The following UVRAG variants were observed in gnomAD, a reference collection of about 807,000 sequenced individuals.
UVRAG encodes UV radiation resistance associated.
Under a neutral mutation model 78.0 loss-of-function variants are expected in UVRAG, and 19 were observed. The observed-to-expected ratio is 0.24, with a 90% CI of 0.17 to 0.36. The LOEUF (loss-of-function observed/expected upper bound fraction) is 0.36. Among genes scored for constraint, UVRAG ranks in the 10% least tolerant of loss-of-function variants. The probability of loss-of-function intolerance (pLI) is 1.00; values close to 1 mark genes in which losing one functional copy is unlikely to be tolerated. For missense variants in UVRAG, 740 were observed against 853.8 expected (o/e 0.87, Z 1.66); for synonymous variants, 323 against 324.6 (o/e 1.00, Z 0.05).
intron 3 of UVRAG, 136 bp downstream of exon 3, chr11:75,861,916 C>A: frequency 1.4e-6 from 1 of 712,200 alleles, no homozygotes; most frequent in Non-Finnish European, 2.3e-6. Flanking sequence ...GTTAAATCAT[C>A]ATTGTTTTGT....
At chr11:76,117,418 A>T (rs993162548) in intron 14 of UVRAG, among the ~76,000 whole-genome samples, 4 of 152,160 alleles carry the variant, frequency 2.6e-5, no homozygotes, top group Non-Finnish European at 5.9e-5. Context: ...ATCCATAGAG[A>T]TCCATTTCCA....
intron 6 of UVRAG, among the ~76,000 whole-genome samples, chr11:75,951,348 TG>T (rs1371378982): frequency 4.7e-4 from 70 of 149,936 alleles, no homozygotes; most frequent in African/African-American, 1.6e-3. Flanking sequence ...TGTGTGTGTG[TG>T]TGTGTGTGTG....
chr11:76,032,758 C>A (rs1950458778), intron 12 of UVRAG, among the ~76,000 whole-genome samples: 1 of 152,114 alleles, frequency 6.6e-6, no homozygotes, highest in Non-Finnish European at 1.5e-5. Flanking sequence ...TCCAAGTGAC[C>A]CAGATGTAAT....
At chr11:75,948,321 A>T (rs185319335) in intron 6 of UVRAG, among the ~76,000 whole-genome samples, 16 of 152,286 alleles carry the variant, frequency 1.1e-4, no homozygotes, top group African/African-American at 3.6e-4. Context: ...AAATGGATTG[A>T]AAAGGGCAGA....
At chr11:75,824,562 G>T (rs1457696891) in intron 1 of UVRAG, among the ~76,000 whole-genome samples, 1 of 150,530 alleles carries the variant, frequency 6.6e-6, no homozygotes, top group Non-Finnish European at 1.5e-5. Flanking sequence ...ACGTATGGTA[G>T]AATGAAAAAA....
Position 75,925,599 on chromosome 11 carries a change from G to A in UVRAG, c.593+13560G>A, listed in dbSNP as rs146591642. ...ACAGCAAACAAAGGGTCTTTCATTC[G>A]TTGAGAAACTAATAATAATTTCTAA... is the stretch of plus-strand genomic sequence containing the variant. On this transcript the variant is annotated intron_variant, in intron 6 of 14. Transcript: ENST00000356136. Among the ~76,000 whole-genome samples the A allele has an allele frequency of 3.5e-3, 533 of 152,250 alleles. 8 individuals are homozygous for A. The highest frequency in any genetic ancestry group is 0.012 in the African/African-American group (516 of 41,540).
At chr11:76,006,434 C>A (rs557499322) in intron 9 of UVRAG, among the ~76,000 whole-genome samples, 12 of 152,006 alleles carry the variant, frequency 7.9e-5, no homozygotes, top group African/African-American at 2.7e-4. Context: ...CTGAAACAGG[C>A]AGATAGCTTG....
chr11:76,136,800 T>C (rs916251749), intron 14 of UVRAG, among the ~76,000 whole-genome samples: 1 of 152,104 alleles, frequency 6.6e-6, no homozygotes, highest in Non-Finnish European at 1.5e-5. Flanking sequence ...ACCTGGCCCA[T>C]AGGGTTTCTT....
At chr11:76,122,244 A>C (rs996202439) in intron 14 of UVRAG, among the ~76,000 whole-genome samples, 1 of 152,194 alleles carries the variant, frequency 6.6e-6, no homozygotes. Flanking sequence ...CTAAGGAGAT[A>C]ACATTTCAGT....
intron 4 of UVRAG, 95 bp downstream of exon 4, chr11:75,880,135 A>T: frequency 2.1e-6 from 3 of 1,435,536 alleles, no homozygotes; most frequent in Non-Finnish European, 2.9e-6. Flanking sequence ...TTCCTATTAT[A>T]AAGAGAGACT....
At chr11:75,880,657 C>A (rs1395628802) in intron 4 of UVRAG, among the ~76,000 whole-genome samples, 1 of 152,118 alleles carries the variant, frequency 6.6e-6, no homozygotes, top group Admixed American at 6.5e-5. Flanking sequence ...CAAGTTCAAG[C>A]GATTCTCCTG....
At chr11:76,082,539 C>CAAAAA (rs5792708) in intron 13 of UVRAG, among the ~76,000 whole-genome samples, 4 of 101,640 alleles carry the variant, frequency 3.9e-5, no homozygotes, top group South Asian at 3.6e-4. Flanking sequence ...GACTCCGTCC[C>CAAAAA]AAAAAAAAAA....
At chr11:75,834,970 G>A (rs187435619) in intron 1 of UVRAG, among the ~76,000 whole-genome samples, 465 of 152,128 alleles carry the variant, frequency 3.1e-3, no homozygotes, top group Non-Finnish European at 4.9e-3. Context: ...CACCATGCCC[G>A]ACCTCATTTG....
At chr11:75,873,669 T>G (rs1338151982) in intron 3 of UVRAG, among the ~76,000 whole-genome samples, 2 of 152,200 alleles carry the variant, frequency 1.3e-5, no homozygotes, top group East Asian at 3.8e-4. Flanking sequence ...ATTCCTAGCA[T>G]ATGTAAGCTA....
chr11:76,091,366 G>T (rs147009697), intron 13 of UVRAG, among the ~76,000 whole-genome samples: 1 of 152,096 alleles, frequency 6.6e-6, no homozygotes, highest in Non-Finnish European at 1.5e-5. Flanking sequence ...GTTTTTATCT[G>T]TTGTGCTCGG....
At chr11:75,882,818 A>G (rs1946981664) in intron 4 of UVRAG, among the ~76,000 whole-genome samples, 1 of 152,186 alleles carries the variant, frequency 6.6e-6, no homozygotes, top group East Asian at 1.9e-4. Context: ...TTTGTGTCCT[A>G]TAGTGACCAG....
At chr11:75,871,282 CTTTTTTTTTTTT>C (rs769390519) in intron 3 of UVRAG, among the ~76,000 whole-genome samples, 1 of 124,410 alleles carries the variant, frequency 8.0e-6, no homozygotes, top group Admixed American at 8.2e-5. Context: ...GGCATATGCC[CTTTTTTTTTTTT>C]TTTTTTTTTG....
intron 5 of UVRAG, among the ~76,000 whole-genome samples, chr11:75,908,835 C>T (rs895856476): frequency 1.4e-5 from 2 of 145,516 alleles, no homozygotes; most frequent in African/African-American, 2.6e-5. Context: ...TTGGTAGTTT[C>T]TGTTTCTTCT....
chr11:76,076,797 A>G (rs759917044), intron 13 of UVRAG, among the ~76,000 whole-genome samples: 1 of 132,470 alleles, frequency 7.5e-6, no homozygotes, highest in Non-Finnish European at 1.5e-5. Context: ...TTTTTAAATT[A>G]GGTTGTATTT....
Sources: gnomAD v4.1 joint callset for allele counts (sites outside exome capture counted in the v4.1 genomes callset) on GRCh38, gnomAD v4.1.1 for gene constraint, MANE v1.5 for transcripts, NCBI Gene and HGNC (gene_info 2026-07-23, HGNC 2026-07-21) for gene names.